NRP1: variants seen among roughly 807,000 people sequenced by gnomAD.
NRP1 encodes the protein neuropilin 1, also known as neuropilin-1.
NRP1 carries 35 observed loss-of-function variants against 106.7 expected under a neutral mutation model. The observed-to-expected ratio is 0.33, with a 90% confidence interval of 0.25 to 0.43. The LOEUF is 0.43. Among genes scored for constraint, NRP1 ranks in the 20% least tolerant of loss-of-function variants. NRP1 has a pLI of 1.00. For synonymous variants in NRP1, 437 were observed against 417.9 expected, an observed-to-expected ratio of 1.05 and a Z score of -0.56; for missense variants, 1,024 against 1,170.4, an observed-to-expected ratio of 0.87 and a Z score of 1.83.
intron 2 of NRP1, among the ~76,000 whole-genome samples, chr10:33,321,498 C>T (rs191015729): frequency 2.6e-5 from 4 of 152,182 alleles, no homozygotes; most frequent in Admixed American, 6.5e-5. Flanking sequence ...GCCTTAGCTC[C>T]TCCAGGTTTG....
Position 33,232,096 on chromosome 10 carries a change from G to A in NRP1, c.982-5807C>T, listed in dbSNP as rs151228565. The stretch of plus-strand genomic sequence containing the variant: ...TTGGTGGCTTAGCTTTTTGAATCAT[G>A]CTAAGTTCTCATCAACGTCACATGC... On this transcript the variant is annotated intron_variant, in intron 6 of 16. Transcript: ENST00000374867. Among the ~76,000 whole-genome samples, 429 of 152,144 alleles carry A rather than the reference G, an allele frequency of 2.8e-3. 1 individual carries two copies. Among genetic ancestry groups the A allele is most frequent in the Admixed American group, 5.3e-3 (81 of 15,276 alleles).
intron 14 of NRP1, among the ~76,000 whole-genome samples, chr10:33,185,999 C>CCTTTGTG (rs1236575928): frequency 6.6e-6 from 1 of 152,166 alleles, no homozygotes; most frequent in Non-Finnish European, 1.5e-5. Context: ...ACACGGAAGC[C>CCTTTGTG]CTTTGTGTTC....
In NRP1 at chr10:33,253,996, A is replaced by G. The variant is rs537012020; in HGVS notation, c.981+32T>C. ...CTCTAGATGGTCAAAAACTTATTCA[A>G]TCCTAGATAGGCTTGATCTTATGCT... On this transcript the variant is annotated intron_variant, in intron 6 of 16. Coordinates refer to ENST00000374867, the MANE Select transcript of NRP1 (RefSeq NM_003873.7). 25 of 1,572,016 alleles carry G rather than the reference A, an allele frequency of 1.6e-5. No individual in the cohort carries two copies. The Admixed American group carries it at 3.1e-4, about 20-fold the overall frequency.
At chr10:33,280,810 C>T (rs947662640) in intron 2 of NRP1, among the ~76,000 whole-genome samples, 2 of 151,798 alleles carry the variant, frequency 1.3e-5, no homozygotes, top group African/African-American at 4.8e-5. Flanking sequence ...GGTGAAAGCC[C>T]GTCTCTACCA....
intron 6 of NRP1, among the ~76,000 whole-genome samples, chr10:33,250,589 G>C (rs770177266): frequency 2.6e-5 from 4 of 152,182 alleles, no homozygotes; most frequent in Non-Finnish European, 5.9e-5. Flanking sequence ...GGAATAAATG[G>C]TTAAAATCCT....
At chr10:33,248,921 C>A (rs2133131261) in intron 6 of NRP1, among the ~76,000 whole-genome samples, 1 of 152,152 alleles carries the variant, frequency 6.6e-6, no homozygotes, top group Middle Eastern at 3.4e-3. Flanking sequence ...AATTTTTTTC[C>A]ACAAGAGAAA....
At chr10:33,240,688 A>T (rs1247556494) in intron 6 of NRP1, among the ~76,000 whole-genome samples, 1 of 152,152 alleles carries the variant, frequency 6.6e-6, no homozygotes, top group Non-Finnish European at 1.5e-5. Context: ...GAGAACTTGG[A>T]AGTGCAGGTG....
intron 6 of NRP1, among the ~76,000 whole-genome samples, chr10:33,237,484 C>CGT (rs1554788804): frequency 0.02 from 2,651 of 134,802 alleles, 43 homozygotes; most frequent in African/African-American, 0.049. Context: ...CACACATGCG[C>CGT]GCGCACACAC....
Position 33,268,126 on chromosome 10 carries a change from T to G in NRP1, c.430+2549A>C, listed in dbSNP as rs11009327. ...TTAAAGGGCTTTTGAGGGAAAAACA[T>G]TCATGACCTGTGCTTTTGTGTGTGT... On this transcript the variant is annotated intron_variant, in intron 3 of 16. Transcript: ENST00000374867. Among the ~76,000 whole-genome samples, 169 of 152,334 alleles carry G rather than the reference T, an allele frequency of 1.1e-3. 3 individuals carry two copies. In the East Asian group the frequency reaches 0.025, roughly 23 times the overall value.
At chr10:33,283,742 C>A (rs1459067778) in intron 2 of NRP1, among the ~76,000 whole-genome samples, 1 of 152,096 alleles carries the variant, frequency 6.6e-6, no homozygotes, top group Non-Finnish European at 1.5e-5. Context: ...ATCTAGGTAA[C>A]CTCATGATTT....
At chr10:33,277,473 G>T (rs963749203) in intron 2 of NRP1, among the ~76,000 whole-genome samples, 13 of 152,244 alleles carry the variant, frequency 8.5e-5, no homozygotes, top group Non-Finnish European at 1.5e-5. Flanking sequence ...CCCAAGGAAG[G>T]CCTGACCACC....
intron 12 of NRP1, chr10:33,194,586 A>G: frequency 2.7e-6 from 1 of 367,410 alleles, no homozygotes; most frequent in South Asian, 2.2e-5. Flanking sequence ...TTTACCTTCC[A>G]ATGTCCTTCC....
chr10:33,226,697 G>A (rs1171028882), intron 6 of NRP1, among the ~76,000 whole-genome samples: 5 of 152,256 alleles, frequency 3.3e-5, no homozygotes, highest in Middle Eastern at 3.4e-3. Context: ...TATTCTCTCT[G>A]AAGCCTGCTA....
intron 2 of NRP1, among the ~76,000 whole-genome samples, chr10:33,301,790 C>A (rs1001346519): frequency 6.6e-6 from 1 of 152,108 alleles, no homozygotes; most frequent in Non-Finnish European, 1.5e-5. Context: ...AATAATGCCA[C>A]TTTTTGAGCG....
At chr10:33,224,508 A>G (rs1839502414) in intron 7 of NRP1, among the ~76,000 whole-genome samples, 1 of 151,630 alleles carries the variant, frequency 6.6e-6, no homozygotes, top group African/African-American at 2.4e-5. Context: ...TTATCACTTA[A>G]CATTATCTTA....
At chr10:33,283,683 T>G (rs572317609) in intron 2 of NRP1, among the ~76,000 whole-genome samples, 3 of 152,298 alleles carry the variant, frequency 2.0e-5, no homozygotes, top group South Asian at 2.1e-4. Context: ...AACCTTTAAC[T>G]ATCTCTATAT....
chr10:33,218,537 G>A (rs1007915142), intron 8 of NRP1, among the ~76,000 whole-genome samples: 17 of 151,774 alleles, frequency 1.1e-4, no homozygotes, highest in African/African-American at 4.1e-4. Flanking sequence ...AGTAGAGATG[G>A]GGTTTCACTG....
chr10:33,202,576 GTCT>G (rs1564376018), intron 11 of NRP1: 2 of 1,419,284 alleles, frequency 1.4e-6, no homozygotes, highest in East Asian at 2.6e-5. Flanking sequence ...TTGGGGGGGG[GTCT>G]GAAAATAATG....
At chr10:33,260,497 C>T (rs1208762574) in intron 4 of NRP1, among the ~76,000 whole-genome samples, 1 of 152,150 alleles carries the variant, frequency 6.6e-6, no homozygotes, top group Non-Finnish European at 1.5e-5. Context: ...CCCCTTTTGC[C>T]AGCTGAGGCA....
Sources: gnomAD v4.1 joint callset for allele counts (sites outside exome capture counted in the v4.1 genomes callset) on GRCh38, gnomAD v4.1.1 for gene constraint, MANE v1.5 for transcripts, NCBI Gene and HGNC (gene_info 2026-07-23, HGNC 2026-07-21) for gene names.